The following LPCAT2 variants were observed in gnomAD, a reference collection of about 807,000 sequenced individuals.
LPCAT2 encodes the protein 1-AGP acyltransferase 11.
Under a neutral mutation model 64.7 loss-of-function variants are expected in LPCAT2, and 58 were observed. That is an observed-to-expected ratio of 0.90 (90% CI 0.73 to 1.12). The LOEUF (loss-of-function observed/expected upper bound fraction) is 1.12. LPCAT2 is among the 50% of genes most tolerant of loss of function. The probability of loss-of-function intolerance (pLI) is 0.00; values close to 1 mark genes in which losing one functional copy is unlikely to be tolerated. For synonymous variants in LPCAT2, 252 were observed against 245.3 expected, an observed-to-expected ratio of 1.03 and a Z score of -0.26; for missense variants, 579 against 669.8, an observed-to-expected ratio of 0.86 and a Z score of 1.50.
rs1406815058 is a variant in LPCAT2, at chr16:55,509,092, C to G, written c.-90C>G. Reference sequence around the variant, plus strand: ...TGCGCAGAGGCTCCCCAGCGTCGCCCTAGGCTGGGACTCTAGTAGGTCTTC... The same window carrying G: ...TGCGCAGAGGCTCCCCAGCGTCGCCGTAGGCTGGGACTCTAGTAGGTCTTC... On this transcript the variant is annotated 5_prime_UTR_variant, in exon 1 of 14. Coordinates refer to ENST00000262134, the MANE Select transcript of LPCAT2 (RefSeq NM_017839.5). The G allele has an allele frequency of 1.5e-5, 17 of 1,149,108 alleles. No individual in the cohort carries two copies. The African/African-American group carries it at 2.4e-4, about 16-fold the overall frequency. 71.2% of individuals were successfully genotyped at this position (1,149,108 alleles called of 1,614,324 possible). A position where few individuals can be genotyped will look rare whatever the true frequency, so the allele number is the denominator to read the frequency against.
chr16:55,539,963 C>T (rs1596865551), intron 8 of LPCAT2: 1 of 151,880 alleles, frequency 6.6e-6, no homozygotes, highest in African/African-American at 2.4e-5. Flanking sequence ...ATCAAAGTGC[C>T]GTTTTAGACA....
At chr16:55,568,160 C>CA (rs5817021) in intron 11 of LPCAT2, among the ~76,000 whole-genome samples, 143,301 of 152,212 alleles carry the variant, frequency 0.94, 67,809 homozygotes, top group East Asian at 0.99. Flanking sequence ...AAAAAAAGCA[C>CA]TAGCAATTTT....
chr16:55,575,850 T>A (rs1963822019), intron 12 of LPCAT2, among the ~76,000 whole-genome samples: 2 of 152,236 alleles, frequency 1.3e-5, no homozygotes, highest in Non-Finnish European at 2.9e-5. Flanking sequence ...TGGTTGATGC[T>A]TAGCAGATGG....
In LPCAT2 at chr16:55,566,809, C is replaced by T. The variant is rs747644217; in HGVS notation, c.1216-7822C>T. 41 of 1,613,564 alleles carry T rather than the reference C, an allele frequency of 2.5e-5. No homozygotes were observed. The highest frequency in any genetic ancestry group is 3.5e-5 in the Non-Finnish European group (41 of 1,179,780). ...GGAGCAGATCGAGGTCTTGGAGAAG[C>T]TCTTGGAGGCCTCTTTGGAGGAGGT... is the stretch of plus-strand genomic sequence containing the variant. On this transcript the variant is annotated intron_variant, in intron 11 of 13. Transcript: ENST00000262134.
intron 1 of LPCAT2, among the ~76,000 whole-genome samples, chr16:55,515,349 G>A (rs1051817345): frequency 6.6e-6 from 1 of 151,672 alleles, no homozygotes; most frequent in Non-Finnish European, 1.5e-5. Flanking sequence ...TATTCAAAGC[G>A]CTGAAAGAAG....
intron 8 of LPCAT2, among the ~76,000 whole-genome samples, chr16:55,544,533 A>G (rs1963432210): frequency 6.6e-6 from 1 of 152,340 alleles, no homozygotes; most frequent in South Asian, 2.1e-4. Context: ...AAATTAATGA[A>G]ATAAAATAAC....
chr16:55,510,533 A>G (rs994420691), intron 1 of LPCAT2, among the ~76,000 whole-genome samples: 4 of 152,254 alleles, frequency 2.6e-5, no homozygotes, highest in African/African-American at 9.6e-5. Flanking sequence ...AATATTTGCA[A>G]TCAGCTTGTA....
intron 9 of LPCAT2, 135 bp from the exon 10 acceptor site, chr16:55,549,142 G>A (rs1444202760): frequency 6.6e-6 from 4 of 609,324 alleles, no homozygotes; most frequent in Non-Finnish European, 1.1e-5. Context: ...GTCAAGAAAA[G>A]CGAGAGTTAC....
chr16:55,553,429 A>AC (rs1222184001), intron 11 of LPCAT2, among the ~76,000 whole-genome samples: 5 of 152,208 alleles, frequency 3.3e-5, no homozygotes, highest in African/African-American at 1.2e-4. Context: ...AGTAGTTTCC[A>AC]TTGCAATAAA....
intron 12 of LPCAT2, among the ~76,000 whole-genome samples, chr16:55,577,637 A>C (rs1963842433): frequency 6.6e-6 from 1 of 152,038 alleles, no homozygotes; most frequent in Non-Finnish European, 1.5e-5. Flanking sequence ...AATTCTTAAG[A>C]CCCAGGAGAG....
At chr16:55,572,216 C>A (rs1439182584) in intron 11 of LPCAT2, among the ~76,000 whole-genome samples, 1 of 152,076 alleles carries the variant, frequency 6.6e-6, no homozygotes, top group Non-Finnish European at 1.5e-5. Flanking sequence ...TCTCCATCTG[C>A]AAAATGACTT....
At chr16:55,566,938 C>G in intron 11 of LPCAT2, 1 of 1,613,858 alleles carries the variant, frequency 6.2e-7, no homozygotes, top group South Asian at 1.1e-5. Flanking sequence ...CCAGAACCGC[C>G]TCCCACTCAG....
chr16:55,551,062 T>C lies in LPCAT2; in HGVS notation c.1175T>C (p.Val392Ala), dbSNP rs539866916. The C allele has an allele frequency of 6.2e-7, 1 of 1,613,052 alleles. No individual in the cohort carries two copies. The highest frequency in any genetic ancestry group is 2.2e-5 in the East Asian group (1 of 44,782). Residue 392 changes from valine to alanine, a missense_variant, in exon 11 of 14, where the codon GTT becomes GCT. By Grantham distance (64) the Val-to-Ala change is moderately conservative (BLOSUM62 0). Coordinates refer to ENST00000262134, the MANE Select transcript of LPCAT2 (RefSeq NM_017839.5). The part of the protein sequence containing the change: ...EEFAKYLKLP[V>A]SDVLRQLFAL... ...TTCGCCAAGTATTTAAAGTTGCCTGTTTCAGATGTCTTGAGACAACTTTTT... is the reference window on the plus strand; with the variant it reads ...TTCGCCAAGTATTTAAAGTTGCCTGCTTCAGATGTCTTGAGACAACTTTTT...
At chr16:55,557,378 A>G (rs1412760670) in intron 11 of LPCAT2, among the ~76,000 whole-genome samples, 1 of 152,062 alleles carries the variant, frequency 6.6e-6, no homozygotes, top group African/African-American at 2.4e-5. Context: ...GAATTGTGCA[A>G]TTGATGCCAC....
rs777485197 is a variant in LPCAT2, at chr16:55,579,230, A to T, written c.1436A>T (p.Asp479Val). The change falls in exon 13 of 14, where the codon GAC becomes GTC. Residue 479 changes from aspartate (D) to valine (V), a missense_variant. By Grantham distance (152) the Asp-to-Val change is radical. Coordinates refer to ENST00000262134, the MANE Select transcript of LPCAT2 (RefSeq NM_017839.5). ...CTCTTCAAGGAAATAGCCCAAGGGG[A>T]CTCAATTTCCTATGGTGAGTAGGCA... ...SGLFKEIAQG[D>V]SISYEEFKSF... 1 of 1,612,716 alleles carries T rather than the reference A, an allele frequency of 6.2e-7. No individual in the cohort carries two copies.
chr16:55,573,256 G>A (rs537027554), intron 11 of LPCAT2, among the ~76,000 whole-genome samples: 1 of 152,136 alleles, frequency 6.6e-6, no homozygotes, highest in Non-Finnish European at 1.5e-5. Context: ...CATTTCAGGG[G>A]CTTCACAGCC....
At chr16:55,540,151 C>G (rs1963378304) in intron 8 of LPCAT2, 1 of 152,140 alleles carries the variant, frequency 6.6e-6, no homozygotes, top group Non-Finnish European at 1.5e-5. Context: ...CTTCCCAGCC[C>G]TCTCTGCTTC....
chr16:55,530,420 A>G (rs1963236356), intron 4 of LPCAT2, among the ~76,000 whole-genome samples: 1 of 151,816 alleles, frequency 6.6e-6, no homozygotes, highest in Non-Finnish European at 1.5e-5. Flanking sequence ...TTCAAGGGGC[A>G]TATCAAAATC....
At chr16:55,530,428 A>G (rs1194073794) in intron 4 of LPCAT2, among the ~76,000 whole-genome samples, 1 of 151,088 alleles carries the variant, frequency 6.6e-6, no homozygotes, top group African/African-American at 2.4e-5. Flanking sequence ...GCATATCAAA[A>G]TCACCTGTAG....
Sources: gnomAD v4.1 joint callset for allele counts (sites outside exome capture counted in the v4.1 genomes callset) on GRCh38, gnomAD v4.1.1 for gene constraint, MANE v1.5 for transcripts, NCBI Gene and HGNC (gene_info 2026-07-23, HGNC 2026-07-21) for gene names.